PRKCZ: variants seen among roughly 807,000 people sequenced by gnomAD.
PRKCZ encodes the protein protein kinase C zeta type.
Under a neutral mutation model 79.5 loss-of-function variants are expected in PRKCZ, and 33 were observed. The ratio of observed to expected loss-of-function variants is 0.41; its 90% CI spans 0.31 to 0.55. The LOEUF is 0.55. Ranked by LOEUF, PRKCZ falls within the 20% of genes least tolerant of loss-of-function variation. The pLI is 0.19. For synonymous variants in PRKCZ, 342 were observed against 320.9 expected (o/e 1.07, Z -0.70); for missense variants, 578 against 813.5 (o/e 0.71, Z 3.52).
chr1:2,137,969 G>A (rs562400789), intron 5 of PRKCZ, among the ~76,000 whole-genome samples: 5 of 152,324 alleles, frequency 3.3e-5, no homozygotes, highest in Admixed American at 6.5e-5. Context: ...CAGGGAGGGC[G>A]GCTGCCCTGC....
In PRKCZ at chr1:2,149,775, C is replaced by T. The variant is rs891964077; in HGVS notation, c.687+851C>T. Among the ~76,000 whole-genome samples, 1 of 151,520 alleles carries T rather than the reference C, an allele frequency of 6.6e-6. No homozygotes were observed. On this transcript the variant is annotated intron_variant, in intron 8 of 17. Transcript: ENST00000378567. This position sits in a 1 kb window ranked among gnomAD's most constrained non-coding sequence, Gnocchi z 4.1. ...GCTTGGGAGGCTGAGGTGGGAGGAT[C>T]GCCTGAGCCTGGGAGGTGGAGGCTG...
intron 9 of PRKCZ, 81 bp from the exon 10 acceptor site, chr1:2,155,914 C>T (rs1391282800): frequency 1.6e-5 from 19 of 1,201,990 alleles, no homozygotes; most frequent in Non-Finnish European, 2.2e-5. Flanking sequence ...GAAAGAGACT[C>T]CTCCCTTGCC....
rs1557736916 is a variant in PRKCZ, at chr1:2,172,916, C to T, written c.1285+528C>T. Among the ~76,000 whole-genome samples, 1 of 151,364 alleles carries T rather than the reference C, an allele frequency of 6.6e-6. No individual in the cohort carries two copies. Among genetic ancestry groups the T allele is most frequent in the East Asian group, 1.9e-4 (1 of 5,162 alleles). On this transcript the variant is annotated intron_variant, in intron 13 of 17. Coordinates refer to ENST00000378567, the MANE Select transcript of PRKCZ (RefSeq NM_002744.6). This position sits in a 1 kb window ranked among gnomAD's most constrained non-coding sequence, Gnocchi z 7.8. ...GGGGACGTGGGCACGCGTGTGCAGC[C>T]GTGTGTGCGTGTGTGAAACGGGGAT...
Position 2,082,331 on chromosome 1 carries a change from C to A in PRKCZ, c.334+22740C>A, listed in dbSNP as rs1309634268. On this transcript the variant is annotated intron_variant, in intron 4 of 17. Transcript: ENST00000378567. This position sits in a 1 kb window ranked among gnomAD's most constrained non-coding sequence, Gnocchi z 4.4. ...GAGCGGCTGTTCAAGATGGACTTGG[C>A]AAATCACCTCTTTCAAGTTGCCGGC... The A allele has an allele frequency of 7.7e-5, 35 of 454,518 alleles. No homozygotes were observed. The Admixed American group carries it at 8.0e-4, about 10-fold the overall frequency. The allele number at this position is 454,518 out of a possible 1,614,324, so 28.2% of individuals were successfully genotyped here. A position where few individuals can be genotyped will look rare whatever the true frequency, so the allele number is the denominator to read the frequency against.
chr1:2,149,191 C>T lies in PRKCZ; in HGVS notation c.687+267C>T, dbSNP rs768490032. On this transcript the variant is annotated intron_variant, in intron 8 of 17. Transcript: ENST00000378567. This position sits in a 1 kb window ranked among gnomAD's most constrained non-coding sequence, Gnocchi z 4.1. ...CGGGGGAAGCCGTGCCCCACATCCT[C>T]TCCATTCAGGTGGTACAGTGGCCCA... Among the ~76,000 whole-genome samples the T allele has an allele frequency of 5.3e-5, 8 of 152,248 alleles. No homozygotes were observed. Among genetic ancestry groups the T allele is most frequent in the Non-Finnish European group, 1.2e-4 (8 of 68,048 alleles).
chr1:2,052,209 C>T (rs978234361), intron 1 of PRKCZ, among the ~76,000 whole-genome samples: 6 of 152,238 alleles, frequency 3.9e-5, no homozygotes, highest in East Asian at 1.9e-4. Flanking sequence ...TCCTGCATTC[C>T]GGCGTCCAAT....
At position 2,174,847 on chromosome 1, in the gene PRKCZ, C is replaced by T; in HGVS notation, c.1485+14C>T. ...TTTTTAAATAAGGTACGTTTCTGGC[C>T]ATGCTGACAAAATCTCGTTTGTGGC... On this transcript the variant is annotated intron_variant, in intron 15 of 17. Coordinates refer to ENST00000378567, the MANE Select transcript of PRKCZ (RefSeq NM_002744.6). This position sits in a 1 kb window ranked among gnomAD's most constrained non-coding sequence, Gnocchi z 6.2. 1 of 1,611,950 alleles carries T rather than the reference C, an allele frequency of 6.2e-7. No homozygotes were observed. The highest frequency in any genetic ancestry group is 8.5e-7 in the Non-Finnish European group (1 of 1,178,036).
chr1:2,162,852 C>T (rs1446308697), intron 10 of PRKCZ, among the ~76,000 whole-genome samples: 1 of 152,222 alleles, frequency 6.6e-6, no homozygotes, highest in Middle Eastern at 3.2e-3. Flanking sequence ...TTGGTCTCTG[C>T]GTGGTAACTG....
At chr1:2,150,484 G>C (rs1255558666) in intron 8 of PRKCZ, among the ~76,000 whole-genome samples, 3 of 152,218 alleles carry the variant, frequency 2.0e-5, no homozygotes, top group Non-Finnish European at 4.4e-5. Context: ...CCCACTGATA[G>C]GGCTGAGGGC....
chr1:2,080,234 C>G (rs1267313104), intron 4 of PRKCZ, among the ~76,000 whole-genome samples: 1 of 149,216 alleles, frequency 6.7e-6, no homozygotes, highest in African/African-American at 2.6e-5. Context: ...GTTTGAGCTG[C>G]TGTGTCCACC....
chr1:2,121,634 A>AGGGTCACGGTGGTGGTTAGGGTCGTG (rs1557612536), intron 4 of PRKCZ, among the ~76,000 whole-genome samples: 1 of 12,684 alleles, frequency 7.9e-5, no homozygotes, highest in African/African-American at 2.4e-4. Flanking sequence ...TTAGGGTCAC[A>AGGGTCACGGTGGTGGTTAGGGTCGTG]GTGGTAGTTA....
chr1:2,119,195 T>C (rs115568178), intron 4 of PRKCZ, among the ~76,000 whole-genome samples: 1,781 of 151,604 alleles, frequency 0.012, 44 homozygotes, highest in African/African-American at 0.04. Flanking sequence ...CTTATAACAG[T>C]TTAATTCTTA....
intron 1 of PRKCZ, among the ~76,000 whole-genome samples, chr1:2,051,870 C>CT (rs1659696023): frequency 6.6e-6 from 1 of 152,178 alleles, no homozygotes; most frequent in South Asian, 2.1e-4. Flanking sequence ...AGGTTGGGGC[C>CT]TCTGCAGCTC....
At chr1:2,166,930 A>G in intron 10 of PRKCZ, among the ~76,000 whole-genome samples, 1 of 152,240 alleles carries the variant, frequency 6.6e-6, no homozygotes, top group African/African-American at 2.4e-5. Flanking sequence ...GGTGCACACC[A>G]CCAGCGTGAG....
In PRKCZ at chr1:2,083,612, C is replaced by T. The variant is rs1040533062; in HGVS notation, c.334+24021C>T. Among the ~76,000 whole-genome samples the T allele has an allele frequency of 7.2e-5, 11 of 152,312 alleles. No individual in the cohort carries two copies. The East Asian group carries it at 1.7e-3, about 24-fold the overall frequency. ...CACGGTTGAGCCATCACACCTGCCT[C>T]TGCGTTCAGGCTGCTGCAGTGTTGG... is the stretch of plus-strand genomic sequence containing the variant. On this transcript the variant is annotated intron_variant, in intron 4 of 17. Transcript: ENST00000378567.
intron 4 of PRKCZ, among the ~76,000 whole-genome samples, chr1:2,081,102 G>A (rs1235841633): frequency 6.6e-6 from 1 of 152,200 alleles, no homozygotes; most frequent in African/African-American, 2.4e-5. Context: ...GGAGTGAGGC[G>A]TGCGTGGCCC....
At chr1:2,150,722 A>T in intron 8 of PRKCZ, 68 bp from the exon 9 acceptor site, 2 of 1,476,858 alleles carry the variant, frequency 1.4e-6, no homozygotes. Context: ...CGCATGAGTG[A>T]TGCGTGGTCC....
chr1:2,072,788 G>A (rs1661721900), intron 4 of PRKCZ, among the ~76,000 whole-genome samples: 1 of 152,154 alleles, frequency 6.6e-6, no homozygotes, highest in Non-Finnish European at 1.5e-5. Flanking sequence ...CAGCACGTAT[G>A]AATGCAGGGA....
intron 4 of PRKCZ, among the ~76,000 whole-genome samples, chr1:2,112,683 GTTGGTTGGT>G (rs1270088969): frequency 7.2e-5 from 2 of 27,662 alleles, no homozygotes; most frequent in Non-Finnish European, 1.2e-4. Flanking sequence ...TGTTTGGTTG[GTTGGTTGGT>G]TTTTTTTTTT....
Sources: gnomAD v4.1 joint callset for allele counts (sites outside exome capture counted in the v4.1 genomes callset) on GRCh38, gnomAD v4.1.1 for gene constraint, Gnocchi (gnomAD v3.1) non-coding constraint, MANE v1.5 for transcripts, NCBI Gene and HGNC (gene_info 2026-07-23, HGNC 2026-07-21) for gene names.